RARB: variants seen among roughly 807,000 people sequenced by gnomAD.
RARB encodes retinoic acid receptor beta.
RARB carries 17 observed loss-of-function variants against 51.9 expected under a neutral mutation model. The observed-to-expected ratio is 0.33, with a 90% CI of 0.22 to 0.49. The LOEUF (loss-of-function observed/expected upper bound fraction) is 0.49. Among genes scored for constraint, RARB ranks in the 20% least tolerant of loss-of-function variants. The pLI, the probability that RARB is intolerant of heterozygous loss-of-function variation, is 0.99. For missense variants in RARB, 369 were observed against 550.8 expected (o/e 0.67, Z 3.30); for synonymous variants, 215 against 195.4 (o/e 1.10, Z -0.84).
In RARB at chr3:25,237,357, CT is replaced by C. The variant is rs1344289674; in HGVS notation, c.178+62789del. Among the ~76,000 whole-genome samples, 5 of 152,104 alleles carry C rather than the reference CT, an allele frequency of 3.3e-5. No individual in the cohort carries two copies. In the East Asian group the frequency reaches 7.7e-4, roughly 24 times the overall value. ...GAATATTCTTTTAATAAATATTCTG[CT>C]TTTTTTCCTATCTGATCACTGCTGT... On this transcript the variant is annotated intron_variant, in intron 5 of 11. Transcript: ENST00000383772.
At chr3:25,228,564 T>C (rs1302227953) in intron 5 of RARB, among the ~76,000 whole-genome samples, 2 of 152,094 alleles carry the variant, frequency 1.3e-5, no homozygotes, top group African/African-American at 4.8e-5. Flanking sequence ...TTTCTTCCAT[T>C]TTTTTAATCA....
At chr3:25,236,266 G>A (rs546390762) in intron 5 of RARB, among the ~76,000 whole-genome samples, 2 of 152,278 alleles carry the variant, frequency 1.3e-5, no homozygotes, top group South Asian at 4.1e-4. Context: ...AACAATGCAT[G>A]TAGTGGATAA....
intron 5 of RARB, among the ~76,000 whole-genome samples, chr3:25,377,012 G>GTTTTT (rs58538437): frequency 5.3e-5 from 8 of 151,638 alleles, no homozygotes; most frequent in Admixed American, 1.3e-4. Context: ...CAATGTATTA[G>GTTTTT]TTTAGTTTGT....
intron 2 of RARB, among the ~76,000 whole-genome samples, chr3:24,949,999 G>C (rs1013365776): frequency 6.6e-6 from 1 of 152,216 alleles, no homozygotes; most frequent in Non-Finnish European, 1.5e-5. Context: ...GATTATAGCA[G>C]TTGCAACAAT....
chr3:25,392,775 T>A (rs1271419484), intron 5 of RARB, among the ~76,000 whole-genome samples: 1 of 152,142 alleles, frequency 6.6e-6, no homozygotes, highest in Non-Finnish European at 1.5e-5. Flanking sequence ...TTATCAGATT[T>A]AGGAGCTTTT....
chr3:25,391,201 CCAGGTTTCTGTAAATGCCAT>C (rs1298334337), intron 5 of RARB, among the ~76,000 whole-genome samples: 2 of 152,240 alleles, frequency 1.3e-5, no homozygotes, highest in African/African-American at 4.8e-5. Context: ...CAAACTCCAT[CCAGGTTTCTGTAAATGCCAT>C]TATTTCATTC....
chr3:25,524,561 AGACT>A (rs1019988409), intron 3 of RARB, among the ~76,000 whole-genome samples: 6 of 152,010 alleles, frequency 3.9e-5, no homozygotes, highest in Non-Finnish European at 5.9e-5. Context: ...GACTGAAACC[AGACT>A]GACAAGCTCC....
chr3:24,920,039 C>T (rs1326340228), intron 2 of RARB, among the ~76,000 whole-genome samples: 1 of 152,162 alleles, frequency 6.6e-6, no homozygotes, highest in East Asian at 1.9e-4. Context: ...GGATGCTAGT[C>T]ATACAAACCA....
intron 5 of RARB, among the ~76,000 whole-genome samples, chr3:25,396,505 G>C (rs540765328): frequency 6.6e-6 from 1 of 152,190 alleles, no homozygotes; most frequent in African/African-American, 2.4e-5. Context: ...CTTTTGAAGA[G>C]AGCATCAGCT....
chr3:24,926,105 A>G (rs936691184), intron 2 of RARB, among the ~76,000 whole-genome samples: 1 of 152,074 alleles, frequency 6.6e-6, no homozygotes, highest in Non-Finnish European at 1.5e-5. Flanking sequence ...ATATTTTTAC[A>G]ATTTCGTTTT....
chr3:25,510,172 C>T (rs943517673), intron 3 of RARB, among the ~76,000 whole-genome samples: 3 of 152,204 alleles, frequency 2.0e-5, no homozygotes, highest in Admixed American at 2.0e-4. Flanking sequence ...AGAGACCTGC[C>T]TGAGGTCACA....
At position 25,417,199 on chromosome 3, in the gene RARB, A is replaced by G. The variant is rs1036926303; in HGVS notation, c.179-43994A>G. 1.0e-4 allele frequency among the ~76,000 whole-genome samples: 5 copies of G among 49,620 alleles called. No individual in the cohort carries two copies. The East Asian group carries it at 2.3e-3, about 23-fold the overall frequency. 32.6% of individuals were successfully genotyped at this position (49,620 alleles called of 152,430 possible). ...TTAATGCCACATCGAAAAACCAATT[A>G]AAAAAAAAAAAAAACTGCTGCCTGT... On this transcript the variant is annotated intron_variant, in intron 5 of 11. Coordinates refer to the RARB transcript ENST00000383772.
chr3:25,207,532 C>G (rs1701580591), intron 5 of RARB, among the ~76,000 whole-genome samples: 1 of 152,136 alleles, frequency 6.6e-6, no homozygotes, highest in African/African-American at 2.4e-5. Flanking sequence ...GGGATGATAA[C>G]TAGTAAAATT....
chr3:25,392,421 G>A (rs1706991496), intron 5 of RARB, among the ~76,000 whole-genome samples: 3 of 151,958 alleles, frequency 2.0e-5, no homozygotes, highest in African/African-American at 7.2e-5. Context: ...TTTTAGTTGT[G>A]TGAAGAATGA....
intron 5 of RARB, among the ~76,000 whole-genome samples, chr3:25,255,286 A>G (rs568394583): frequency 1.3e-5 from 2 of 152,268 alleles, no homozygotes; most frequent in African/African-American, 4.8e-5. Flanking sequence ...GGGTCCTTAG[A>G]TCACAGCCAC....
At chr3:25,466,675 C>T (rs1262308133) in intron 2 of RARB, among the ~76,000 whole-genome samples, 1 of 152,194 alleles carries the variant, frequency 6.6e-6, no homozygotes, top group African/African-American at 2.4e-5. Context: ...TCCATGGAGC[C>T]TCCCTGGATT....
intron 3 of RARB, among the ~76,000 whole-genome samples, chr3:25,078,060 T>C (rs1267076709): frequency 1.3e-5 from 2 of 152,174 alleles, no homozygotes; most frequent in Non-Finnish European, 2.9e-5. Context: ...ACATTCTAGA[T>C]ATAAATATTT....
intron 4 of RARB, among the ~76,000 whole-genome samples, chr3:25,144,920 G>T (rs770354739): frequency 6.6e-6 from 1 of 152,144 alleles, no homozygotes; most frequent in African/African-American, 2.4e-5. Flanking sequence ...TGTCTAATTA[G>T]CACTTCAGCA....
chr3:25,549,823 G>A (rs1699772755), intron 3 of RARB, among the ~76,000 whole-genome samples: 1 of 151,424 alleles, frequency 6.6e-6, no homozygotes, highest in South Asian at 2.1e-4. Flanking sequence ...CATGGTCATG[G>A]CAACTGACAC....
Sources: gnomAD v4.1 joint callset for allele counts (sites outside exome capture counted in the v4.1 genomes callset) on GRCh38, gnomAD v4.1.1 for gene constraint, MANE v1.5 for transcripts, NCBI Gene and HGNC (gene_info 2026-07-23, HGNC 2026-07-21) for gene names.